Variants in ARHGAP23 observed in about 807,000 individuals in gnomAD.
The protein encoded by ARHGAP23 is rho GTPase-activating protein 23.
In ARHGAP23, 34 loss-of-function variants were observed where a neutral mutation model predicts 136.3. The observed-to-expected ratio is 0.25, with a 90% CI of 0.19 to 0.33. The LOEUF (loss-of-function observed/expected upper bound fraction) is 0.33. Ranked by LOEUF, ARHGAP23 falls within the 10% of genes least tolerant of loss-of-function variation. ARHGAP23 has a pLI of 1.00. For synonymous variants in ARHGAP23, 832 were observed against 920.5 expected, an observed-to-expected ratio of 0.90 and a Z score of 1.74; for missense variants, 1,808 against 2,139.0, an observed-to-expected ratio of 0.85 and a Z score of 3.05.
intron 1 of ARHGAP23, among the ~76,000 whole-genome samples, chr17:38,420,974 G>C (rs1408321837): frequency 6.6e-6 from 1 of 152,182 alleles, no homozygotes; most frequent in Non-Finnish European, 1.5e-5. Flanking sequence ...TTCCTGTCTA[G>C]AGAATCCTAA....
chr17:38,501,447 G>T (rs548658600), intron 23 of ARHGAP23, among the ~76,000 whole-genome samples: 1 of 151,938 alleles, frequency 6.6e-6, no homozygotes, highest in Non-Finnish European at 1.5e-5. Context: ...GACTACAGGC[G>T]CCCACCATCA....
At chr17:38,456,172 AT>A (rs769925379) in intron 1 of ARHGAP23, among the ~76,000 whole-genome samples, 2 of 152,028 alleles carry the variant, frequency 1.3e-5, no homozygotes, top group Non-Finnish European at 2.9e-5. Flanking sequence ...CCTATAGCCT[AT>A]TGTCTCTGTC....
At chr17:38,450,418 T>C (rs1354819054) in intron 1 of ARHGAP23, 3 of 152,076 alleles carry the variant, frequency 2.0e-5, no homozygotes, top group African/African-American at 7.2e-5. Context: ...TTTATTCTTA[T>C]TTATTTATTT....
Position 38,484,459 on chromosome 17 carries a change from C to G in ARHGAP23, c.2908-1603C>G, listed in dbSNP as rs141684057. On this transcript the variant is annotated intron_variant, in intron 16 of 23. Transcript: ENST00000622683. ...GGACTAGAGAGTGGCATGGGTCCTG[C>G]TGCAGCTGAGGCATGGGATGACCAA... 6.6e-3 allele frequency among the ~76,000 whole-genome samples: 1,002 copies of G among 152,154 alleles called. 5 individuals are homozygous for G. The Middle Eastern group carries it at 0.068, about 10-fold the overall frequency.
chr17:38,505,374 C>T lies in ARHGAP23; in HGVS notation c.3448-4570C>T, dbSNP rs538065647. ...ACTTTTGTCTTCTCTGGTGGTCCCT[C>T]ACCTACTGCTTAGCTTTCTTTACAG... On this transcript the variant is annotated intron_variant, in intron 23 of 23. Coordinates refer to ENST00000622683, the MANE Select transcript of ARHGAP23 (RefSeq NM_001199417.2). Among the ~76,000 whole-genome samples the T allele has an allele frequency of 3.5e-4, 53 of 151,998 alleles. 1 individual carries two copies. Among genetic ancestry groups the T allele is most frequent in the Admixed American group, 1.8e-3 (28 of 15,254 alleles).
At position 38,510,603 on chromosome 17, in the gene ARHGAP23, G is replaced by GGAGGCGCTGCGTCT; in HGVS notation, c.4108_4121dup (p.Leu1376ArgfsTer4). On this transcript the variant is annotated frameshift_variant, in exon 24 of 24. Transcript: ENST00000622683. LOFTEE classifies it high-confidence loss of function. This position sits in a 1 kb window ranked among gnomAD's most constrained non-coding sequence, Gnocchi z 4.6. Reference sequence around the variant, plus strand: ...CGCTGGCCTCCCGGCCCTCGCGCATGGAGGCGCTGCGTCTAAGGCTCCGCG... The same window carrying GGAGGCGCTGCGTCT: ...CGCTGGCCTCCCGGCCCTCGCGCATGGAGGCGCTGCGTCTGAGGCGCTGCGTCTAAGGCTCCGCG... 1 of 1,289,386 alleles carries GGAGGCGCTGCGTCT rather than the reference G, an allele frequency of 7.8e-7. No homozygotes were observed. Among genetic ancestry groups the GGAGGCGCTGCGTCT allele is most frequent in the Non-Finnish European group, 9.8e-7 (1 of 1,022,828 alleles). 79.9% of individuals were successfully genotyped at this position (1,289,386 alleles called of 1,614,324 possible).
chr17:38,463,393 C>T lies in ARHGAP23; in HGVS notation c.483+11C>T, dbSNP rs1281535908. 1 of 1,551,674 alleles carries T rather than the reference C, an allele frequency of 6.4e-7. No homozygotes were observed. Among genetic ancestry groups the T allele is most frequent in the Non-Finnish European group, 8.7e-7 (1 of 1,146,950 alleles). On this transcript the variant is annotated intron_variant, in intron 6 of 23. Transcript: ENST00000622683. ...GACATCCTCCAGCTGGTGAGTCCAG[C>T]CCCTGTGGCCTGAGAGGAGACCCCT...
intron 1 of ARHGAP23, 58 bp from the exon 2 acceptor site, chr17:38,458,044 A>G (rs1450083232): frequency 6.5e-7 from 1 of 1,528,566 alleles, no homozygotes; most frequent in African/African-American, 1.4e-5. Flanking sequence ...GAGGTGGTGC[A>G]AACAGCCAGA....
chr17:38,511,277 T>C lies in ARHGAP23; in HGVS notation c.*305T>C. On this transcript the variant is annotated 3_prime_UTR_variant, in exon 24 of 24. Coordinates refer to ENST00000622683, the MANE Select transcript of ARHGAP23 (RefSeq NM_001199417.2). ...AGGTCCTTCTGAGCCTTTCTGTGGC[T>C]GCACTTGGGGACCCTTGTGGACCAT... The C allele has an allele frequency of 1.1e-5, 4 of 351,752 alleles. No individual in the cohort carries two copies. Among genetic ancestry groups the C allele is most frequent in the Non-Finnish European group, 2.0e-5 (4 of 196,948 alleles). The allele number at this position is 351,752 out of a possible 1,614,324, so 21.8% of individuals were successfully genotyped here. A position where few individuals can be genotyped will look rare whatever the true frequency, so the allele number is the denominator to read the frequency against.
intron 1 of ARHGAP23, among the ~76,000 whole-genome samples, chr17:38,453,495 GC>G (rs2039238039): frequency 6.6e-6 from 1 of 151,196 alleles, no homozygotes; most frequent in Non-Finnish European, 1.5e-5. Context: ...AGGTGTGCGG[GC>G]CGGGGGAGAG....
At chr17:38,495,328 C>T (rs896825150) in intron 20 of ARHGAP23, among the ~76,000 whole-genome samples, 4 of 151,438 alleles carry the variant, frequency 2.6e-5, no homozygotes, top group Admixed American at 6.6e-5. Context: ...AGCTCCTGGG[C>T]TCAAGTGATC....
At chr17:38,508,046 A>G (rs752556823) in intron 23 of ARHGAP23, among the ~76,000 whole-genome samples, 8 of 152,226 alleles carry the variant, frequency 5.3e-5, no homozygotes, top group Non-Finnish European at 1.0e-4. Context: ...TCATTCACCA[A>G]TTGTTTGTTC....
At chr17:38,451,222 C>G (rs938681238) in intron 1 of ARHGAP23, 1 of 152,426 alleles carries the variant, frequency 6.6e-6, no homozygotes, top group South Asian at 2.1e-4. Flanking sequence ...CACTCTCCCC[C>G]TGAAGTCCCC....
intron 1 of ARHGAP23, among the ~76,000 whole-genome samples, chr17:38,443,640 T>A (rs1340642622): frequency 7.2e-6 from 1 of 138,198 alleles, no homozygotes; most frequent in East Asian, 2.2e-4. Flanking sequence ...CAGGGCCACA[T>A]GTGTGAAGGG....
At position 38,469,256 on chromosome 17, in the gene ARHGAP23, G is replaced by A. The variant is rs758943567; in HGVS notation, c.1761G>A (p.Pro587=). The change falls in exon 8 of 24, where the codon CCG becomes CCA. Residue 587 remains proline (P), a synonymous_variant. Coordinates refer to ENST00000622683, the MANE Select transcript of ARHGAP23 (RefSeq NM_001199417.2). ...TCCTGGGCACCAGCCCATCTTCCCCGACCTTCACTTTCACCCTCGGACGCC... is the reference window on the plus strand; with the variant it reads ...TCCTGGGCACCAGCCCATCTTCCCCAACCTTCACTTTCACCCTCGGACGCC... ...APVLGTSPSS[P]TFTFTLGRHY... 13 of 1,551,470 alleles carry A rather than the reference G, an allele frequency of 8.4e-6. No individual in the cohort carries two copies. Among genetic ancestry groups the A allele is most frequent in the South Asian group, 3.6e-5 (3 of 84,040 alleles).
At chr17:38,453,206 G>C (rs2039221738) in intron 1 of ARHGAP23, among the ~76,000 whole-genome samples, 2 of 152,118 alleles carry the variant, frequency 1.3e-5, no homozygotes, top group Admixed American at 1.3e-4. Context: ...GGATGTCTGA[G>C]GTGTGTGTAT....
chr17:38,494,979 C>T lies in ARHGAP23; in HGVS notation c.3277-2806C>T, dbSNP rs146333839. 2.4e-3 allele frequency among the ~76,000 whole-genome samples: 366 copies of T among 152,312 alleles called. 2 individuals are homozygous for T. Among genetic ancestry groups the T allele is most frequent in the Non-Finnish European group, 4.4e-3 (299 of 68,034 alleles). On this transcript the variant is annotated intron_variant, in intron 20 of 23. Transcript: ENST00000622683. Reference sequence around the variant, plus strand: ...TTCTTTGGGCCGATCCTCAGGCTTCCCCTGGTCAGCCTGTCTCTGGAAGCC... The same window carrying T: ...TTCTTTGGGCCGATCCTCAGGCTTCTCCTGGTCAGCCTGTCTCTGGAAGCC...
chr17:38,429,916 C>T (rs960367726), intron 1 of ARHGAP23, among the ~76,000 whole-genome samples: 5 of 152,214 alleles, frequency 3.3e-5, no homozygotes, highest in Non-Finnish European at 5.9e-5. Context: ...TGACAGCTCT[C>T]ACTGCCATGT....
rs139907273 is a variant in ARHGAP23 at position 38,467,643 on chromosome 17, CT to C, written c.1648+315del. Among the ~76,000 whole-genome samples, 492 of 152,118 alleles carry C rather than the reference CT, an allele frequency of 3.2e-3. 7 individuals carry two copies. Among genetic ancestry groups the C allele is most frequent in the Non-Finnish European group, 2.4e-3 (162 of 67,982 alleles). On this transcript the variant is annotated intron_variant, in intron 7 of 23. Transcript: ENST00000622683. ...ATCCATCATCTGTTCTTCCTTCCTT[CT>C]TTCCTTCCTCTCTCCCTCCTTTGTT...
Sources: gnomAD v4.1 joint callset for allele counts (sites outside exome capture counted in the v4.1 genomes callset) on GRCh38, gnomAD v4.1.1 for gene constraint, Gnocchi (gnomAD v3.1) non-coding constraint, MANE v1.5 for transcripts, NCBI Gene and HGNC (gene_info 2026-07-23, HGNC 2026-07-21) for gene names.